Variants in PDXDC1 observed in about 807,000 individuals in gnomAD.
PDXDC1 encodes the protein pyridoxal-dependent decarboxylase domain-containing protein 1.
A neutral mutation model predicts 100.1 loss-of-function variants in PDXDC1; 42 were observed. The observed-to-expected ratio is 0.42, with a 90% CI of 0.33 to 0.54. The LOEUF (loss-of-function observed/expected upper bound fraction) is 0.54, where lower values mean the gene tolerates loss of function less well. Among genes scored for constraint, PDXDC1 ranks in the 20% least tolerant of loss-of-function variants. PDXDC1 has a pLI of 0.10. For synonymous variants in PDXDC1, 260 were observed against 371.7 expected, an observed-to-expected ratio of 0.70 and a Z score of 3.46; for missense variants, 636 against 979.2, an observed-to-expected ratio of 0.65 and a Z score of 4.68.
chr16:15,079,032 G>T (rs1373570267), intron 16 of PDXDC1, among the ~76,000 whole-genome samples: 1 of 151,972 alleles, frequency 6.6e-6, no homozygotes, highest in Non-Finnish European at 1.5e-5. Flanking sequence ...GGATGGTCTC[G>T]ATCTCCTGAC....
intron 16 of PDXDC1, among the ~76,000 whole-genome samples, chr16:15,074,523 A>G (rs761267786): frequency 8.5e-5 from 13 of 152,254 alleles, no homozygotes; most frequent in Admixed American, 5.2e-4. Flanking sequence ...GAAGACAAAT[A>G]TAACTCAGCC....
intron 16 of PDXDC1, among the ~76,000 whole-genome samples, chr16:15,073,625 G>C (rs918370655): frequency 6.6e-6 from 1 of 152,156 alleles, no homozygotes; most frequent in African/African-American, 2.4e-5. Flanking sequence ...CTTCTGAAGA[G>C]CAATTCTATC....
At chr16:15,111,038 G>C (rs1383120475) in intron 16 of PDXDC1, among the ~76,000 whole-genome samples, 2 of 148,402 alleles carry the variant, frequency 1.3e-5, no homozygotes, top group East Asian at 3.9e-4. Context: ...CTGAGGCAGA[G>C]AACCGTTTGA....
chr16:15,071,436 T>G (rs1336871335), intron 16 of PDXDC1, among the ~76,000 whole-genome samples: 3 of 152,164 alleles, frequency 2.0e-5, no homozygotes, highest in African/African-American at 7.2e-5. Flanking sequence ...CCTCGGGTGT[T>G]AAATAATCCA....
chr16:14,999,423 A>G (rs1742782649), intron 3 of PDXDC1, among the ~76,000 whole-genome samples: 1 of 151,862 alleles, frequency 6.6e-6, no homozygotes, highest in African/African-American at 2.4e-5. Flanking sequence ...AAAGTGATAC[A>G]TGGAGCTAGG....
intron 3 of PDXDC1, among the ~76,000 whole-genome samples, chr16:14,999,537 T>C (rs1210155294): frequency 6.6e-6 from 1 of 152,242 alleles, no homozygotes; most frequent in African/African-American, 2.4e-5. Flanking sequence ...GGCGAGACCC[T>C]ATCAAATAAA....
At chr16:15,001,237 C>T (rs1973078371) in intron 3 of PDXDC1, among the ~76,000 whole-genome samples, 1 of 152,232 alleles carries the variant, frequency 6.6e-6, no homozygotes. Flanking sequence ...GCCTGTAATC[C>T]CAGCACTTTG....
intron 1 of PDXDC1, among the ~76,000 whole-genome samples, chr16:14,987,041 C>A (rs557413615): frequency 6.6e-6 from 1 of 152,244 alleles, no homozygotes; most frequent in Non-Finnish European, 1.5e-5. Flanking sequence ...AGCCACCATG[C>A]GTGGCCATGC....
intron 8 of PDXDC1, among the ~76,000 whole-genome samples, chr16:15,013,353 AAAAAAG>A (rs1179904095): frequency 7.5e-5 from 11 of 146,248 alleles, no homozygotes; most frequent in South Asian, 7.0e-4. Context: ...TATCTCAAAA[AAAAAAG>A]AAAAAAAAAA....
chr16:15,071,361 C>G, intron 16 of PDXDC1: 2 of 992,970 alleles, frequency 2.0e-6, no homozygotes, highest in Non-Finnish European at 3.0e-6. Context: ...TCTACTATCT[C>G]ATAACTATCT....
At chr16:15,127,833 G>C (rs750535139) in intron 16 of PDXDC1, 4 of 1,563,712 alleles carry the variant, frequency 2.6e-6, no homozygotes, top group East Asian at 4.8e-5. Flanking sequence ...AGATGTGCTT[G>C]TCAAAGAAGC....
intron 16 of PDXDC1, among the ~76,000 whole-genome samples, chr16:15,049,247 T>C (rs1567769169): frequency 6.6e-6 from 1 of 152,170 alleles, no homozygotes; most frequent in African/African-American, 2.4e-5. Flanking sequence ...CAGGCTGGTC[T>C]CAAACTCTTG....
intron 1 of PDXDC1, among the ~76,000 whole-genome samples, chr16:14,981,200 C>A (rs1231870736): frequency 6.6e-6 from 1 of 152,288 alleles, no homozygotes. Flanking sequence ...ATAATGCAAA[C>A]CTTTACTTTA....
chr16:15,035,100 G>A (rs1349412009), intron 21 of PDXDC1, among the ~76,000 whole-genome samples: 1 of 152,150 alleles, frequency 6.6e-6, no homozygotes, highest in African/African-American at 2.4e-5. Flanking sequence ...CCCAGGAAAC[G>A]ATGACTCCAT....
At chr16:15,006,691 A>G in intron 6 of PDXDC1, 108 bp downstream of exon 6, 1 of 1,120,922 alleles carries the variant, frequency 8.9e-7, no homozygotes, top group Non-Finnish European at 1.2e-6. Flanking sequence ...AGTGAAAAGA[A>G]AGATGGTCTT....
intron 16 of PDXDC1, among the ~76,000 whole-genome samples, chr16:15,076,155 CCT>C (rs1457823832): frequency 1.3e-5 from 2 of 152,156 alleles, no homozygotes; most frequent in African/African-American, 4.8e-5. Flanking sequence ...CACCTGAATC[CCT>C]GTCTCAGACT....
At chr16:15,064,795 T>A (rs1338783772) in intron 16 of PDXDC1, among the ~76,000 whole-genome samples, 1 of 152,178 alleles carries the variant, frequency 6.6e-6, no homozygotes, top group Non-Finnish European at 1.5e-5. Flanking sequence ...GAGATGCTCA[T>A]CAACAGCGAG....
rs183664534 is a variant in PDXDC1, at chr16:15,037,274, C to G, written c.*999C>G. 1 of 152,210 alleles carries G rather than the reference C, an allele frequency of 6.6e-6. No individual in the cohort carries two copies. Among genetic ancestry groups the G allele is most frequent in the Admixed American group, 6.5e-5 (1 of 15,278 alleles). 9.4% of individuals were successfully genotyped at this position (152,210 alleles called of 1,614,324 possible). A position where few individuals can be genotyped will look rare whatever the true frequency, so the allele number is the denominator to read the frequency against. The stretch of plus-strand genomic sequence containing the variant: ...CTGGCACTGCCCGTTCCTACTTTTC[C>G]GAAGTACTGCGTCACTTTGTCGTAA... On this transcript the variant is annotated 3_prime_UTR_variant, in exon 23 of 23. Transcript: ENST00000396410.
intron 1 of PDXDC1, among the ~76,000 whole-genome samples, chr16:14,980,271 A>C (rs1967655663): frequency 1.3e-5 from 2 of 152,224 alleles, no homozygotes; most frequent in Admixed American, 1.3e-4. Context: ...ATCTGTTGTC[A>C]CCTAAAGCAG....
Sources: allele counts gnomAD v4.1 joint callset (sites outside exome capture counted in the v4.1 genomes callset), GRCh38; gene constraint gnomAD v4.1.1; transcripts MANE v1.5; gene names NCBI Gene and HGNC (gene_info 2026-07-23, HGNC 2026-07-21).